DENND1A: variants seen among roughly 807,000 people sequenced by gnomAD.
DENND1A encodes DENN domain-containing protein 1A.
In DENND1A, 51 loss-of-function variants were observed where a neutral mutation model predicts 113.7. The observed-to-expected ratio is 0.45, with a 90% confidence interval of 0.36 to 0.57. DENND1A has a LOEUF of 0.57. Ranked by LOEUF, DENND1A falls within the 20% of genes least tolerant of loss-of-function variation. The pLI is 0.00. For synonymous variants in DENND1A, 565 were observed against 570.8 expected, an observed-to-expected ratio of 0.99 and a Z score of 0.14; for missense variants, 1,258 against 1,395.9, an observed-to-expected ratio of 0.90 and a Z score of 1.57.
intron 8 of DENND1A, among the ~76,000 whole-genome samples, chr9:123,664,081 A>G (rs953369072): frequency 1.3e-5 from 2 of 152,224 alleles, no homozygotes; most frequent in Non-Finnish European, 2.9e-5. Flanking sequence ...GAAAAAACTC[A>G]GAAACAGATC....
intron 16 of DENND1A, among the ~76,000 whole-genome samples, chr9:123,454,419 C>A (rs887942480): frequency 6.6e-6 from 1 of 152,214 alleles, no homozygotes; most frequent in African/African-American, 2.4e-5. Context: ...TGCCCATGAT[C>A]ATGACAATTG....
chr9:123,519,874 C>G (rs951341523), intron 13 of DENND1A, among the ~76,000 whole-genome samples: 13 of 152,052 alleles, frequency 8.5e-5, no homozygotes, highest in African/African-American at 2.7e-4. Flanking sequence ...TTAAGAAATA[C>G]CCAGGCTGGG....
chr9:123,447,573 G>A (rs1421878814), intron 18 of DENND1A, among the ~76,000 whole-genome samples: 1 of 152,172 alleles, frequency 6.6e-6, no homozygotes, highest in African/African-American at 2.4e-5. Context: ...AAGAGGGCAA[G>A]CTTGGGTTCT....
chr9:123,505,444 T>C (rs1402742479), intron 13 of DENND1A, among the ~76,000 whole-genome samples: 2 of 152,184 alleles, frequency 1.3e-5, no homozygotes, highest in African/African-American at 4.8e-5. Context: ...GTAGGCAACA[T>C]AGCTTTAAAA....
intron 2 of DENND1A, among the ~76,000 whole-genome samples, chr9:123,818,751 T>A (rs1025363825): frequency 3.3e-5 from 5 of 152,176 alleles, no homozygotes; most frequent in South Asian, 4.1e-4. Flanking sequence ...ATTTGTGGCA[T>A]CATGTCAGCA....
At chr9:123,554,985 A>G (rs898714805) in intron 13 of DENND1A, among the ~76,000 whole-genome samples, 2 of 152,240 alleles carry the variant, frequency 1.3e-5, no homozygotes, top group Non-Finnish European at 2.9e-5. Context: ...GATACTCAGT[A>G]TACTCCAGTG....
At chr9:123,636,178 C>T (rs1020709291) in intron 9 of DENND1A, among the ~76,000 whole-genome samples, 2 of 152,176 alleles carry the variant, frequency 1.3e-5, no homozygotes, top group Non-Finnish European at 2.9e-5. Context: ...CACCCCATCT[C>T]CATCACCTGA....
intron 19 of DENND1A, chr9:123,413,588 G>T (rs146628339): frequency 1.0e-6 from 1 of 985,568 alleles, no homozygotes; most frequent in Admixed American, 6.1e-5. Context: ...TGAGGGGAAA[G>T]CGGGTCCAGG....
chr9:123,882,934 A>G (rs543231025), intron 1 of DENND1A, among the ~76,000 whole-genome samples: 2 of 152,352 alleles, frequency 1.3e-5, no homozygotes, highest in South Asian at 4.1e-4. Context: ...AGCAATGCCT[A>G]CAAAGTCCTA....
At chr9:123,869,747 T>C (rs1283485994) in intron 2 of DENND1A, among the ~76,000 whole-genome samples, 1 of 152,172 alleles carries the variant, frequency 6.6e-6, no homozygotes, top group Non-Finnish European at 1.5e-5. Flanking sequence ...ATGCCTATAA[T>C]CCCAACACTT....
At chr9:123,544,613 C>T (rs925732409) in intron 13 of DENND1A, among the ~76,000 whole-genome samples, 1 of 152,242 alleles carries the variant, frequency 6.6e-6, no homozygotes, top group Non-Finnish European at 1.5e-5. Context: ...GACAATCTTT[C>T]CTAGCCTCAG....
chr9:123,816,850 A>G (rs1478170144), intron 2 of DENND1A, among the ~76,000 whole-genome samples: 1 of 152,212 alleles, frequency 6.6e-6, no homozygotes, highest in Non-Finnish European at 1.5e-5. Flanking sequence ...AGAGGAAAAT[A>G]GAGAGGCACT....
intron 3 of DENND1A, among the ~76,000 whole-genome samples, chr9:123,791,428 A>T (rs1832977546): frequency 6.6e-6 from 1 of 152,162 alleles, no homozygotes; most frequent in Non-Finnish European, 1.5e-5. Context: ...ACAGAGTCAG[A>T]AGATTTTAAT....
rs532471580 is a variant in DENND1A, at chr9:123,444,402, C to T, written c.1357-3911G>A. ...GACATGTGGGCCTGGTGCAGTAATC[C>T]TAGCACTTTGGGAGGCCAAGGTGGG... On this transcript the variant is annotated intron_variant, in intron 18 of 23. Transcript: ENST00000394215. 2.0e-4 allele frequency among the ~76,000 whole-genome samples: 31 copies of T among 152,222 alleles called. No individual in the cohort carries two copies. The South Asian group carries it at 6.2e-3, about 31-fold the overall frequency.
chr9:123,828,259 A>G (rs144911177), intron 2 of DENND1A, among the ~76,000 whole-genome samples: 1 of 152,154 alleles, frequency 6.6e-6, no homozygotes, highest in Non-Finnish European at 1.5e-5. Flanking sequence ...GAACAAAAAA[A>G]TGAATTAATA....
intron 13 of DENND1A, among the ~76,000 whole-genome samples, chr9:123,488,197 G>A (rs2051054332): frequency 6.6e-6 from 1 of 152,232 alleles, no homozygotes; most frequent in Non-Finnish European, 1.5e-5. Flanking sequence ...CATGGACAAT[G>A]GAGTCATGAT....
intron 10 of DENND1A, 45 bp from the exon 11 acceptor site, chr9:123,609,526 C>T (rs1395210806): frequency 2.5e-6 from 4 of 1,595,856 alleles, no homozygotes; most frequent in East Asian, 4.5e-5. Context: ...ATGTCTGTTG[C>T]TTCTGACAGA....
intron 5 of DENND1A, among the ~76,000 whole-genome samples, chr9:123,718,128 C>T (rs1289744871): frequency 6.6e-6 from 1 of 152,132 alleles, no homozygotes; most frequent in Non-Finnish European, 1.5e-5. Context: ...AGCACATACA[C>T]TAATGTGAAG....
At chr9:123,848,966 G>C (rs1444762841) in intron 2 of DENND1A, among the ~76,000 whole-genome samples, 1 of 152,162 alleles carries the variant, frequency 6.6e-6, no homozygotes, top group Non-Finnish European at 1.5e-5. Context: ...TTTGAAACTA[G>C]CAGAGGTTGG....
Sources: allele counts gnomAD v4.1 joint callset (sites outside exome capture counted in the v4.1 genomes callset), GRCh38; gene constraint gnomAD v4.1.1; transcripts MANE v1.5; gene names NCBI Gene and HGNC (gene_info 2026-07-23, HGNC 2026-07-21).